ZNF705G: variants seen among roughly 807,000 people sequenced by gnomAD.
The protein encoded by ZNF705G is putative zinc finger protein 705G.
In ZNF705G, 23 loss-of-function variants were observed where a neutral mutation model predicts 19.6. That is an observed-to-expected ratio of 1.17 (90% CI 0.84 to 1.66). ZNF705G has a LOEUF of 1.66. Among genes scored for constraint, ZNF705G ranks in the 40% most tolerant of loss-of-function variants. The probability of loss-of-function intolerance (pLI) is 0.00; values close to 1 mark genes in which losing one functional copy is unlikely to be tolerated. For synonymous variants in ZNF705G, 146 were observed against 117.7 expected, an observed-to-expected ratio of 1.24 and a Z score of -1.56; for missense variants, 457 against 354.4, an observed-to-expected ratio of 1.29 and a Z score of -2.32.
chr8:7,369,619 T>C (rs1422406541), intron 2 of ZNF705G, among the ~76,000 whole-genome samples: 1 of 149,816 alleles, frequency 6.7e-6, no homozygotes, highest in South Asian at 2.1e-4. Flanking sequence ...ATAGCATTAT[T>C]TGCAATAGCA....
chr8:7,369,413 C>A (rs1027083289), intron 2 of ZNF705G, among the ~76,000 whole-genome samples: 2 of 149,356 alleles, frequency 1.3e-5, no homozygotes, highest in African/African-American at 2.6e-5. Context: ...GGGGCACTGC[C>A]TAGTGGAGCT....
chr8:7,378,926 G>A (rs1224973318), intron 2 of ZNF705G, among the ~76,000 whole-genome samples: 2 of 147,390 alleles, frequency 1.4e-5, no homozygotes, highest in East Asian at 1.9e-4. Context: ...GATAGCTTTG[G>A]CGGGAGACAG....
Position 7,365,122 on chromosome 8 carries a change from A to C in ZNF705G, c.-71-2105T>G, listed in dbSNP as rs1334669733. On this transcript the variant is annotated intron_variant, in intron 2 of 6. Transcript: ENST00000400156. The stretch of plus-strand genomic sequence containing the variant: ...AAGTTAAAGCATACTTATTTCATAA[A>C]GGACTCTTGTGTGGAATCTATAAAA... 2.0e-5 allele frequency among the ~76,000 whole-genome samples: 3 copies of C among 149,764 alleles called. 1 individual carries two copies. The highest frequency in any genetic ancestry group is 7.7e-5 in the African/African-American group (3 of 39,130).
intron 2 of ZNF705G, among the ~76,000 whole-genome samples, chr8:7,380,733 C>A (rs1186218961): frequency 6.8e-6 from 1 of 146,674 alleles, no homozygotes; most frequent in Non-Finnish European, 1.5e-5. Context: ...TCACTGCTGG[C>A]ACTTGAGAAA....
chr8:7,380,886 G>C lies in ZNF705G; in HGVS notation c.-72+566C>G, dbSNP rs1352742391. Among the ~76,000 whole-genome samples, 386 of 141,536 alleles carry C rather than the reference G, an allele frequency of 2.7e-3. 7 individuals carry two copies. The highest frequency in any genetic ancestry group is 0.023 in the South Asian group (104 of 4,596). 92.9% of individuals were successfully genotyped at this position (141,536 alleles called of 152,430 possible). ...GACAAAATTAGCTGGGCATGGAGGC[G>C]CATGCCTGTAATCCCAGCTACTCTG... is the stretch of plus-strand genomic sequence containing the variant. On this transcript the variant is annotated intron_variant, in intron 2 of 6. Transcript: ENST00000400156.
intron 2 of ZNF705G, among the ~76,000 whole-genome samples, chr8:7,369,994 C>T (rs1585420660): frequency 6.7e-6 from 1 of 149,100 alleles, no homozygotes. Context: ...ACACAATGTG[C>T]CAGTGTAAAA....
At chr8:7,367,783 G>C (rs994682646) in intron 2 of ZNF705G, among the ~76,000 whole-genome samples, 1 of 149,594 alleles carries the variant, frequency 6.7e-6, no homozygotes, top group African/African-American at 2.6e-5. Context: ...TTTTTCCACT[G>C]TATGCCCTTC....
chr8:7,361,287 C>T, intron 3 of ZNF705G, 51 bp from the exon 4 acceptor site: 7 of 1,592,082 alleles, frequency 4.4e-6, no homozygotes, highest in Non-Finnish European at 5.9e-6. Flanking sequence ...CTTTCAATGT[C>T]CGGAAGAGGA....
chr8:7,376,174 G>A (rs1342124534), intron 2 of ZNF705G, among the ~76,000 whole-genome samples: 1 of 81,694 alleles, frequency 1.2e-5, no homozygotes. Context: ...AGAAAAGCAT[G>A]ACCTTTATTT....
intron 3 of ZNF705G, 91 bp downstream of exon 3, chr8:7,362,844 A>G: frequency 6.3e-7 from 1 of 1,584,696 alleles, no homozygotes; most frequent in Non-Finnish European, 8.5e-7. Flanking sequence ...AAAAAAGAAT[A>G]AAAATGAAAC....
At chr8:7,379,683 A>C (rs1283712236) in intron 2 of ZNF705G, among the ~76,000 whole-genome samples, 2 of 147,272 alleles carry the variant, frequency 1.4e-5, no homozygotes, top group African/African-American at 5.4e-5. Flanking sequence ...AGAGAGCCCC[A>C]GTGGTCCATA....
At chr8:7,376,777 A>G (rs1263521053) in intron 2 of ZNF705G, among the ~76,000 whole-genome samples, 14 of 150,226 alleles carry the variant, frequency 9.3e-5, no homozygotes, top group Non-Finnish European at 1.8e-4. Flanking sequence ...TCCCTTCCAC[A>G]GGAAAAATAT....
intron 2 of ZNF705G, among the ~76,000 whole-genome samples, chr8:7,380,415 C>T (rs535767083): frequency 1.4e-5 from 2 of 147,694 alleles, no homozygotes; most frequent in East Asian, 3.9e-4. Flanking sequence ...CCTGGTGGTG[C>T]CTGTGCACAT....
chr8:7,378,700 C>G (rs1186969692), intron 2 of ZNF705G, among the ~76,000 whole-genome samples: 1 of 137,878 alleles, frequency 7.3e-6, no homozygotes, highest in Non-Finnish European at 1.5e-5. Flanking sequence ...AAGCCAGCAA[C>G]GGAGCGTTGA....
At chr8:7,369,304 T>C (rs2128841728) in intron 2 of ZNF705G, among the ~76,000 whole-genome samples, 1 of 149,642 alleles carries the variant, frequency 6.7e-6, no homozygotes, top group South Asian at 2.1e-4. Flanking sequence ...AGCCTGTATG[T>C]CCAATAGAAG....
intron 2 of ZNF705G, among the ~76,000 whole-genome samples, chr8:7,366,370 G>A (rs3989722): frequency 2.7e-5 from 4 of 149,494 alleles, no homozygotes; most frequent in African/African-American, 7.7e-5. Context: ...TTTTTAAAGT[G>A]CATAATGAAC....
At chr8:7,376,785 T>A (rs1475497395) in intron 2 of ZNF705G, among the ~76,000 whole-genome samples, 4 of 150,226 alleles carry the variant, frequency 2.7e-5, no homozygotes, top group Admixed American at 1.3e-4. Flanking sequence ...ACAGGAAAAA[T>A]ATCCTCTCTA....
chr8:7,368,147 T>C (rs1806945204), intron 2 of ZNF705G, among the ~76,000 whole-genome samples: 1 of 149,528 alleles, frequency 6.7e-6, no homozygotes, highest in Non-Finnish European at 1.5e-5. Flanking sequence ...AGACATGCCC[T>C]GATTGCACAG....
At chr8:7,369,454 G>T (rs3958828) in intron 2 of ZNF705G, among the ~76,000 whole-genome samples, 3 of 149,460 alleles carry the variant, frequency 2.0e-5, no homozygotes, top group African/African-American at 2.6e-5. Context: ...CTCCAGACCC[G>T]AGAATGGTAG....
Sources: gnomAD v4.1 joint callset for allele counts (sites outside exome capture counted in the v4.1 genomes callset) on GRCh38, gnomAD v4.1.1 for gene constraint, MANE v1.5 for transcripts, NCBI Gene and HGNC (gene_info 2026-07-23, HGNC 2026-07-21) for gene names.